The following TRIQK variants were observed in gnomAD, a reference collection of about 807,000 sequenced individuals.
The protein encoded by TRIQK is triple QxxK/R motif-containing protein.
In TRIQK, 10 loss-of-function variants were observed where a neutral mutation model predicts 10.8. The observed-to-expected ratio is 0.92, with a 90% CI of 0.57 to 1.57. The LOEUF (loss-of-function observed/expected upper bound fraction) is 1.57. Ranked by LOEUF, TRIQK falls within the 40% of genes most tolerant of loss-of-function variation. The pLI is 0.00. For missense variants in TRIQK, 107 were observed against 97.7 expected, an observed-to-expected ratio of 1.09 and a Z score of -0.40; for synonymous variants, 33 against 33.7, an observed-to-expected ratio of 0.98 and a Z score of 0.07.
At chr8:92,986,049 A>G (rs776839909) in intron 1 of TRIQK, among the ~76,000 whole-genome samples, 1 of 152,140 alleles carries the variant, frequency 6.6e-6, no homozygotes, top group Non-Finnish European at 1.5e-5. Context: ...ATTACCAGAA[A>G]GGTGTTTGTG....
chr8:92,925,539 T>G (rs1363244758), intron 2 of TRIQK, among the ~76,000 whole-genome samples: 2 of 152,118 alleles, frequency 1.3e-5, no homozygotes, highest in African/African-American at 4.8e-5. Flanking sequence ...ATGTAAGGTA[T>G]ACAACCTAAT....
chr8:92,957,376 GAAGT>G (rs1014550973), intron 1 of TRIQK, among the ~76,000 whole-genome samples: 4 of 151,532 alleles, frequency 2.6e-5, no homozygotes, highest in African/African-American at 4.8e-5. Flanking sequence ...ATATATATGT[GAAGT>G]AAGAATGAAA....
intron 2 of TRIQK, among the ~76,000 whole-genome samples, chr8:92,942,080 C>T (rs1175182621): frequency 6.6e-6 from 1 of 152,040 alleles, no homozygotes; most frequent in Admixed American, 6.6e-5. Flanking sequence ...TTCTATGAGG[C>T]CGTAATTACT....
chr8:92,927,849 G>C (rs756711037), intron 2 of TRIQK: 2 of 152,118 alleles, frequency 1.3e-5, no homozygotes, highest in Non-Finnish European at 2.9e-5. Context: ...TGTTTGATTT[G>C]TCTTGTTTGC....
intron 2 of TRIQK, among the ~76,000 whole-genome samples, chr8:92,938,074 G>A (rs1042951020): frequency 6.6e-6 from 1 of 151,804 alleles, no homozygotes; most frequent in Non-Finnish European, 1.5e-5. Flanking sequence ...TTTGTTTAGA[G>A]ACAAAAACTT....
intron 3 of TRIQK, among the ~76,000 whole-genome samples, chr8:92,914,382 G>A (rs920939361): frequency 9.9e-5 from 15 of 152,128 alleles, no homozygotes; most frequent in South Asian, 6.2e-4. Flanking sequence ...ACAAACAAAG[G>A]AGACTAAATT....
intron 4 of TRIQK, among the ~76,000 whole-genome samples, chr8:92,889,694 A>G (rs1816666330): frequency 6.6e-6 from 1 of 151,626 alleles, no homozygotes; most frequent in African/African-American, 2.4e-5. Context: ...TACACATTCA[A>G]TTCAATGTTC....
At position 92,997,965 on chromosome 8, in the gene TRIQK, G is replaced by A. The variant is rs1813169625; in HGVS notation, c.-181+19644C>T. ...ACAAAGTGAAATTTAGAAGTGTTAT[G>A]GTACTCATTAAACTAAATTTATTAA... On this transcript the variant is annotated intron_variant, in intron 1 of 4. Coordinates refer to the TRIQK transcript ENST00000520686. Among the ~76,000 whole-genome samples, 3 of 151,894 alleles carry A rather than the reference G, an allele frequency of 2.0e-5. No individual in the cohort carries two copies. In the South Asian group the frequency reaches 6.2e-4, roughly 32 times the overall value.
At chr8:92,943,562 A>G (rs765534936) in intron 2 of TRIQK, among the ~76,000 whole-genome samples, 1 of 152,234 alleles carries the variant, frequency 6.6e-6, no homozygotes, top group Non-Finnish European at 1.5e-5. Flanking sequence ...TGCCAAGAAC[A>G]CAGAATAGAA....
chr8:92,936,603 A>T (rs1811002258), intron 2 of TRIQK, among the ~76,000 whole-genome samples: 1 of 151,774 alleles, frequency 6.6e-6, no homozygotes, highest in Non-Finnish European at 1.5e-5. Flanking sequence ...GTTCTCTTTT[A>T]AAAATCATAA....
intron 1 of TRIQK, among the ~76,000 whole-genome samples, chr8:92,992,026 C>T (rs1429001792): frequency 6.6e-6 from 1 of 152,168 alleles, no homozygotes; most frequent in Non-Finnish European, 1.5e-5. Context: ...AATGGAAGAA[C>T]TGCACTCCAG....
intron 1 of TRIQK, chr8:92,973,349 C>T (rs1007145550): frequency 6.6e-6 from 1 of 152,108 alleles, no homozygotes; most frequent in Non-Finnish European, 1.5e-5. Flanking sequence ...TGAACAGTAG[C>T]AATCACACTT....
At chr8:93,000,599 C>G (rs898969604) in intron 1 of TRIQK, among the ~76,000 whole-genome samples, 11 of 151,836 alleles carry the variant, frequency 7.2e-5, no homozygotes, top group Admixed American at 7.2e-4. Context: ...GGGACACAAC[C>G]AAATCATATC....
intron 2 of TRIQK, among the ~76,000 whole-genome samples, chr8:92,919,956 G>C (rs1170874161): frequency 1.3e-5 from 2 of 151,560 alleles, no homozygotes; most frequent in East Asian, 3.9e-4. Flanking sequence ...ATGATCTTTT[G>C]CATTTCTGTG....
intron 2 of TRIQK, among the ~76,000 whole-genome samples, chr8:92,920,079 T>C (rs1810094026): frequency 6.6e-6 from 1 of 151,818 alleles, no homozygotes; most frequent in East Asian, 1.9e-4. Flanking sequence ...AAAACAACTT[T>C]TTGTTTTGTT....
chr8:92,938,437 T>C (rs1008195213), intron 2 of TRIQK, among the ~76,000 whole-genome samples: 1 of 152,146 alleles, frequency 6.6e-6, no homozygotes, highest in Non-Finnish European at 1.5e-5. Flanking sequence ...TTTTGCATTA[T>C]TGTTTTCACC....
At position 92,950,879 on chromosome 8, in the gene TRIQK, A is replaced by T. The variant is rs533794834; in HGVS notation, c.-22+3527T>A. Among the ~76,000 whole-genome samples the T allele has an allele frequency of 2.3e-4, 35 of 152,238 alleles. 1 individual carries two copies. In the South Asian group the frequency reaches 6.8e-3, roughly 30 times the overall value. ...TTTGAATATTAAACTTTAGTATAAC[A>T]TTATACAGGTCTCCCTCCATAGCCA... On this transcript the variant is annotated intron_variant, in intron 2 of 4. Coordinates refer to ENST00000521988, the MANE Select transcript of TRIQK (RefSeq NM_001171797.2).
intron 2 of TRIQK, among the ~76,000 whole-genome samples, chr8:92,923,904 CAAGTA>C (rs750724448): frequency 5.9e-5 from 9 of 151,712 alleles, no homozygotes; most frequent in Non-Finnish European, 1.3e-4. Context: ...CCAGAAAGAA[CAAGTA>C]AAGAAATAAG....
At chr8:92,966,611 G>A (rs1021700383), upstream of TRIQK, among the ~76,000 whole-genome samples, 2 of 152,066 alleles carry the variant, frequency 1.3e-5, no homozygotes, top group African/African-American at 2.4e-5. Context: ...CTATGTTCGG[G>A]TACTCAATTT....
Sources: allele counts gnomAD v4.1 joint callset (sites outside exome capture counted in the v4.1 genomes callset), GRCh38; gene constraint gnomAD v4.1.1; transcripts MANE v1.5; gene names NCBI Gene and HGNC (gene_info 2026-07-23, HGNC 2026-07-21).